CTDSP2: variants seen among roughly 807,000 people sequenced by gnomAD.
CTDSP2 encodes CTD small phosphatase 2.
CTDSP2 carries 9 observed loss-of-function variants against 31.6 expected under a neutral mutation model. The observed-to-expected ratio is 0.28, with a 90% CI of 0.17 to 0.50. The LOEUF is 0.50. Among genes scored for constraint, CTDSP2 ranks in the 20% least tolerant of loss-of-function variants. The pLI, the probability that CTDSP2 is intolerant of heterozygous loss-of-function variation, is 0.98. For synonymous variants in CTDSP2, 134 were observed against 134.5 expected (o/e 1.00, Z 0.03); for missense variants, 267 against 348.5 (o/e 0.77, Z 1.86).
At chr12:57,839,251 C>CAGCTCTTGCTGGG (rs1283301766) in intron 1 of CTDSP2, among the ~76,000 whole-genome samples, 1 of 152,188 alleles carries the variant, frequency 6.6e-6, no homozygotes, top group Non-Finnish European at 1.5e-5. Context: ...TCAGGAAACC[C>CAGCTCTTGCTGGG]AGCTCTTGCT....
Position 57,824,304 on chromosome 12 carries a change from T to G in CTDSP2, c.427A>C (p.Arg143=). 6.2e-7 allele frequency: 1 copy of G among 1,613,914 alleles called. No individual in the cohort carries two copies. Among genetic ancestry groups the G allele is most frequent in the Non-Finnish European group, 8.5e-7 (1 of 1,179,818 alleles). ...CTCAGGAACTCATCCACATAAGGCC[T>G]CTTGAGCACATACACCTGAGGAAGA... The part of the protein sequence containing the change: ...GTTHQVYVLK[R]PYVDEFLRRM... The change falls in exon 6 of 8, where the codon AGG becomes CGG. Residue 143 remains arginine (R), a synonymous_variant. Transcript: ENST00000398073.
chr12:57,830,474 C>G (rs1452276836), intron 1 of CTDSP2, among the ~76,000 whole-genome samples: 6 of 152,162 alleles, frequency 3.9e-5, no homozygotes, highest in Non-Finnish European at 8.8e-5. Flanking sequence ...AAACAAGAGA[C>G]TAGGAACTCC....
At chr12:57,824,155 A>C (rs1488076909) in intron 6 of CTDSP2, 66 bp from the exon 7 acceptor site, 1 of 1,609,584 alleles carries the variant, frequency 6.2e-7, no homozygotes, top group Non-Finnish European at 8.5e-7. Flanking sequence ...CCTAGGGACC[A>C]AAAGGGAGCT....
At chr12:57,835,142 AAAAG>A (rs1388718427) in intron 1 of CTDSP2, among the ~76,000 whole-genome samples, 3 of 150,970 alleles carry the variant, frequency 2.0e-5, no homozygotes, top group Non-Finnish European at 4.4e-5. Flanking sequence ...AAAAAAAGGA[AAAAG>A]AAAGAAACCC....
intron 1 of CTDSP2, among the ~76,000 whole-genome samples, chr12:57,836,270 A>G (rs2140481115): frequency 6.6e-6 from 1 of 152,364 alleles, no homozygotes; most frequent in South Asian, 2.1e-4. Context: ...GAAAAACAAA[A>G]GCAAGTAAGA....
chr12:57,826,832 G>C (rs941539431), intron 4 of CTDSP2, among the ~76,000 whole-genome samples, 164 bp downstream of exon 4: 1 of 152,304 alleles, frequency 6.6e-6, no homozygotes, highest in Admixed American at 6.5e-5. Flanking sequence ...CTTCAGTGGG[G>C]CCTCTAGATA....
At chr12:57,845,885 C>G (rs1356601779) in intron 1 of CTDSP2, among the ~76,000 whole-genome samples, 2 of 152,174 alleles carry the variant, frequency 1.3e-5, no homozygotes, top group Non-Finnish European at 2.9e-5. Context: ...GCCGTCACCG[C>G]CAGCTAGCTG....
At chr12:57,842,868 T>C (rs1452395456) in intron 1 of CTDSP2, 1 of 152,234 alleles carries the variant, frequency 6.6e-6, no homozygotes, top group East Asian at 1.9e-4. Context: ...CTTGCCTACA[T>C]CTACAGTGAA....
intron 6 of CTDSP2, 42 bp from the exon 7 acceptor site, chr12:57,824,131 TC>T: frequency 6.2e-7 from 1 of 1,612,164 alleles, no homozygotes; most frequent in Non-Finnish European, 8.5e-7. Context: ...ACACTCCTGG[TC>T]CTCCTGTATA....
intron 7 of CTDSP2, 81 bp downstream of exon 7, chr12:57,823,823 T>C: frequency 6.2e-7 from 1 of 1,606,930 alleles, no homozygotes; most frequent in Non-Finnish European, 8.5e-7. Flanking sequence ...CCTGGAGGGG[T>C]GTACTTCTCT....
At chr12:57,838,327 C>T (rs1293356682) in intron 1 of CTDSP2, among the ~76,000 whole-genome samples, 1 of 152,180 alleles carries the variant, frequency 6.6e-6, no homozygotes, top group Non-Finnish European at 1.5e-5. Flanking sequence ...GGATCCTGCC[C>T]CTGCCTCAGC....
chr12:57,833,372 C>T (rs1467411858), intron 1 of CTDSP2, among the ~76,000 whole-genome samples: 1 of 152,190 alleles, frequency 6.6e-6, no homozygotes, highest in Non-Finnish European at 1.5e-5. Flanking sequence ...AATGCCTTGA[C>T]CTTGGGGGCA....
intron 1 of CTDSP2, chr12:57,842,562 CAG>C (rs1956289123): frequency 6.6e-6 from 1 of 152,248 alleles, no homozygotes; most frequent in African/African-American, 2.4e-5. Context: ...GCTGATTTAT[CAG>C]CGCTCCTCTG....
chr12:57,827,724 A>AAAAGTGACTTTTCCT (rs1956192054), intron 2 of CTDSP2, 134 bp from the exon 3 acceptor site: 2 of 802,746 alleles, frequency 2.5e-6, no homozygotes, highest in Non-Finnish European at 4.2e-6. Context: ...CTACCATGTC[A>AAAAGTGACTTTTCCT]AAAGTGACTT....
chr12:57,845,372 A>C (rs534930555), intron 1 of CTDSP2: 1 of 152,144 alleles, frequency 6.6e-6, no homozygotes, highest in African/African-American at 2.4e-5. Flanking sequence ...CTGTGACCAA[A>C]CTAAGAGGTT....
intron 1 of CTDSP2, chr12:57,837,264 A>G (rs1447766036): frequency 6.6e-6 from 1 of 152,272 alleles, no homozygotes; most frequent in East Asian, 1.9e-4. Context: ...CAGCCCCCAC[A>G]CACAAAAGAC....
Position 57,824,018 on chromosome 12 carries a change from G to A in CTDSP2, c.576C>T (p.Cys192=), listed in dbSNP as rs563483951. 27 of 1,614,072 alleles carry A rather than the reference G, an allele frequency of 1.7e-5. No homozygotes were observed. In the Admixed American group the frequency reaches 2.7e-4, roughly 16 times the overall value. Residue 192 remains cysteine (C), a synonymous_variant, in exon 7 of 8, where the codon TGC becomes TGT. Coordinates refer to ENST00000398073, the MANE Select transcript of CTDSP2 (RefSeq NM_005730.4). ...VFRARLFRES[C]VFHQGCYVKD... ...TGACGTAGCAGCCCTGGTGGAACAC[G>A]CAAGACTCACGGAATAGGCGGGCCC...
At chr12:57,826,541 A>C in intron 4 of CTDSP2, 139 bp from the exon 5 acceptor site, 6 of 724,384 alleles carry the variant, frequency 8.3e-6, no homozygotes, top group Non-Finnish European at 1.4e-5. Flanking sequence ...AGGGGTTCTC[A>C]CCCTAGTTCA....
At chr12:57,833,667 G>A (rs867826801) in intron 1 of CTDSP2, among the ~76,000 whole-genome samples, 4 of 152,248 alleles carry the variant, frequency 2.6e-5, no homozygotes, top group Non-Finnish European at 5.9e-5. Context: ...CTGGTTGAGT[G>A]AATGACTCCA....
Sources: gnomAD v4.1 joint callset for allele counts (sites outside exome capture counted in the v4.1 genomes callset) on GRCh38, gnomAD v4.1.1 for gene constraint, MANE v1.5 for transcripts, NCBI Gene and HGNC (gene_info 2026-07-23, HGNC 2026-07-21) for gene names.